RAB21: variants seen among roughly 807,000 people sequenced by gnomAD.
RAB21 encodes ras-related protein Rab-21.
A neutral mutation model predicts 33.1 loss-of-function variants in RAB21; 13 were observed. The ratio of observed to expected loss-of-function variants is 0.39; its 90% CI spans 0.26 to 0.62. The LOEUF (loss-of-function observed/expected upper bound fraction) is 0.62. Ranked by LOEUF, RAB21 falls within the 20% of genes least tolerant of loss-of-function variation. The pLI, the probability that RAB21 is intolerant of heterozygous loss-of-function variation, is 0.48. For missense variants in RAB21, 234 were observed against 279.1 expected (o/e 0.84, Z 1.15); for synonymous variants, 91 against 103.7 (o/e 0.88, Z 0.74).
rs943163559 is a variant in RAB21, at chr12:71,791,652, A to G, written c.*5979A>G. On this transcript the variant is annotated 3_prime_UTR_variant, in exon 7 of 7. Transcript: ENST00000261263. ...GTGCCTTTAATATAGAGTAAAAACA[A>G]AAGTTCCTTTTTAGATCTCCCTTCC... 1 of 152,210 alleles carries G rather than the reference A, an allele frequency of 6.6e-6. No homozygotes were observed. The highest frequency in any genetic ancestry group is 1.5e-5 in the Non-Finnish European group (1 of 68,040). 9.4% of individuals were successfully genotyped at this position (152,210 alleles called of 1,614,324 possible). A position where few individuals can be genotyped will look rare whatever the true frequency, so the allele number is the denominator to read the frequency against.
At chr12:71,769,960 TTAAA>T (rs1255980714) in intron 2 of RAB21, 101 bp downstream of exon 2, 2 of 491,368 alleles carry the variant, frequency 4.1e-6, no homozygotes, top group East Asian at 7.2e-5. Context: ...TTTTTTTTAA[TTAAA>T]AAGAATCTTA....
intron 6 of RAB21, among the ~76,000 whole-genome samples, chr12:71,782,861 A>G (rs536805024): frequency 1.3e-5 from 2 of 152,030 alleles, no homozygotes; most frequent in African/African-American, 4.8e-5. Flanking sequence ...GCAGTAATTA[A>G]TGGTTATGAA....
chr12:71,761,080 A>G (rs1253548668), intron 1 of RAB21, among the ~76,000 whole-genome samples: 2 of 149,396 alleles, frequency 1.3e-5, no homozygotes, highest in African/African-American at 4.9e-5. Flanking sequence ...GGTGATGCAC[A>G]CTCATATTCC....
chr12:71,756,254 C>T (rs1882784059), intron 1 of RAB21, among the ~76,000 whole-genome samples: 1 of 152,214 alleles, frequency 6.6e-6, no homozygotes, highest in South Asian at 2.1e-4. Flanking sequence ...CTTAACCTGT[C>T]TGTGCCTGTT....
intron 1 of RAB21, among the ~76,000 whole-genome samples, chr12:71,763,282 C>G (rs1656265396): frequency 2.0e-5 from 3 of 151,688 alleles, no homozygotes; most frequent in Admixed American, 1.3e-4. Flanking sequence ...TTATCAAATA[C>G]TACTTTAGGT....
In RAB21 at chr12:71,796,944, A is replaced by G. The variant is rs1318478151; in HGVS notation, c.*11271A>G. On this transcript the variant is annotated 3_prime_UTR_variant, in exon 7 of 7. Coordinates refer to ENST00000261263, the MANE Select transcript of RAB21 (RefSeq NM_014999.4). ...ATAGAATGGAATAATCTCTTTTTAG[A>G]AGTAAATTAGTTTTTATTTCATTTG... The G allele has an allele frequency of 6.6e-6, 1 of 152,228 alleles. No homozygotes were observed. The highest frequency in any genetic ancestry group is 2.4e-5 in the African/African-American group (1 of 41,464). The allele number at this position is 152,228 out of a possible 1,614,324, so 9.4% of individuals were successfully genotyped here.
At chr12:71,778,538 A>T (rs1208057501) in intron 4 of RAB21, among the ~76,000 whole-genome samples, 2 of 152,192 alleles carry the variant, frequency 1.3e-5, no homozygotes, top group African/African-American at 4.8e-5. Context: ...CTGCCACTTC[A>T]AGCCCATATC....
chr12:71,758,321 C>G (rs1439534347), intron 1 of RAB21, among the ~76,000 whole-genome samples: 1 of 152,098 alleles, frequency 6.6e-6, no homozygotes, highest in South Asian at 2.1e-4. Flanking sequence ...GTGTGAGCCA[C>G]CACTTCCGGT....
chr12:71,780,279 GA>G (rs1177166218), intron 4 of RAB21, among the ~76,000 whole-genome samples: 2 of 152,094 alleles, frequency 1.3e-5, no homozygotes, highest in African/African-American at 4.8e-5. Context: ...TAAATACCTA[GA>G]AAAAAATTCC....
Position 71,765,535 on chromosome 12 carries a change from G to A in RAB21, c.160-4265G>A, listed in dbSNP as rs189793692. ...TCATGAATTCTTTCTCTAAGCCAAT[G>A]TCTAGAAGAGTTTTTCCAATGTTAT... is the stretch of plus-strand genomic sequence containing the variant. On this transcript the variant is annotated intron_variant, in intron 1 of 6. Transcript: ENST00000261263. Among the ~76,000 whole-genome samples the A allele has an allele frequency of 5.4e-3, 824 of 152,232 alleles. 9 individuals are homozygous for A. Among genetic ancestry groups the A allele is most frequent in the African/African-American group, 0.019 (782 of 41,532 alleles).
rs963994487 is a variant in RAB21 at position 71,787,084 on chromosome 12, A to G, written c.*1411A>G. ...TTTAGATCCTTTGTGAGCAAGTTCT[A>G]TTTGTTCATTGCTTGCCAGAGATGA... is the stretch of plus-strand genomic sequence containing the variant. On this transcript the variant is annotated 3_prime_UTR_variant, in exon 7 of 7. Coordinates refer to ENST00000261263, the MANE Select transcript of RAB21 (RefSeq NM_014999.4). The G allele has an allele frequency of 2.0e-5, 3 of 152,188 alleles. No individual in the cohort carries two copies. Among genetic ancestry groups the G allele is most frequent in the Non-Finnish European group, 2.9e-5 (2 of 68,010 alleles). The allele number at this position is 152,188 out of a possible 1,614,324, so 9.4% of individuals were successfully genotyped here.
intron 3 of RAB21, among the ~76,000 whole-genome samples, chr12:71,771,975 C>CAA (rs1387002732): frequency 7.7e-6 from 1 of 130,128 alleles, no homozygotes; most frequent in African/African-American, 2.8e-5. Context: ...GACTCCATCT[C>CAA]AAAAAAAAAA....
At chr12:71,783,283 T>C (rs1883227881) in intron 6 of RAB21, among the ~76,000 whole-genome samples, 1 of 152,012 alleles carries the variant, frequency 6.6e-6, no homozygotes, top group Admixed American at 6.5e-5. Flanking sequence ...ATTTTCCATA[T>C]TAAAAAGTTT....
chr12:71,758,032 T>A (rs975147532), intron 1 of RAB21, among the ~76,000 whole-genome samples: 4 of 146,874 alleles, frequency 2.7e-5, no homozygotes, highest in East Asian at 2.0e-4. Flanking sequence ...CATTTTTAAA[T>A]TTTTTTTTTT....
At chr12:71,778,237 A>G (rs1448319197) in intron 4 of RAB21, among the ~76,000 whole-genome samples, 1 of 152,190 alleles carries the variant, frequency 6.6e-6, no homozygotes, top group East Asian at 1.9e-4. Context: ...CTAGGTTGTC[A>G]TTAATCCATT....
At chr12:71,756,351 C>T (rs1882785582) in intron 1 of RAB21, among the ~76,000 whole-genome samples, 1 of 152,186 alleles carries the variant, frequency 6.6e-6, no homozygotes, top group Non-Finnish European at 1.5e-5. Flanking sequence ...TGACCTGGTC[C>T]AGTGTAAGTT....
At position 71,787,245 on chromosome 12, in the gene RAB21, T is replaced by A. The variant is rs1883308356; in HGVS notation, c.*1572T>A. 1 of 152,178 alleles carries A rather than the reference T, an allele frequency of 6.6e-6. No individual in the cohort carries two copies. The highest frequency in any genetic ancestry group is 2.1e-4 in the South Asian group (1 of 4,830). The allele number at this position is 152,178 out of a possible 1,614,324, so 9.4% of individuals were successfully genotyped here. On this transcript the variant is annotated 3_prime_UTR_variant, in exon 7 of 7. Transcript: ENST00000261263. ...TATTTGTGTATACTTTATAAATTAG[T>A]CCCTCATTAGATTTTTTTTTCTTAA...
Position 71,785,900 on chromosome 12 carries a change from G to GTTTTTTTTTTTTT in RAB21, c.*236_*237insTTTTTTTTTTTTT, listed in dbSNP as rs369714985. ...AAATGTTTTTTTTTGTTTTTTTTTT[G>GTTTTTTTTTTTTT]TTTTTTTTTGTTTTTTTTTGAGACG... On this transcript the variant is annotated 3_prime_UTR_variant, in exon 7 of 7. Coordinates refer to ENST00000261263, the MANE Select transcript of RAB21 (RefSeq NM_014999.4). The GTTTTTTTTTTTTT allele has an allele frequency of 1.2e-5, 4 of 342,732 alleles. No individual in the cohort carries two copies. The highest frequency in any genetic ancestry group is 7.7e-5 in the African/African-American group (3 of 38,890). 21.2% of individuals were successfully genotyped at this position (342,732 alleles called of 1,614,324 possible).
Position 71,785,802 on chromosome 12 carries a change from C to A in RAB21, c.*129C>A. On this transcript the variant is annotated 3_prime_UTR_variant, in exon 7 of 7. Coordinates refer to ENST00000261263, the MANE Select transcript of RAB21 (RefSeq NM_014999.4). ...ATAGAATTAACAGTATTTTAAATTA[C>A]GTTTATAACACTGCAGAGACCTTAA... 1.8e-6 allele frequency: 2 copies of A among 1,115,814 alleles called. No individual in the cohort carries two copies. The highest frequency in any genetic ancestry group is 2.6e-6 in the Non-Finnish European group (2 of 781,868). The allele number at this position is 1,115,814 out of a possible 1,614,324, so 69.1% of individuals were successfully genotyped here.
Sources: gnomAD v4.1 joint callset for allele counts (sites outside exome capture counted in the v4.1 genomes callset) on GRCh38, gnomAD v4.1.1 for gene constraint, MANE v1.5 for transcripts, NCBI Gene and HGNC (gene_info 2026-07-23, HGNC 2026-07-21) for gene names.